THSD7B: variants seen among roughly 807,000 people sequenced by gnomAD.
THSD7B encodes the protein thrombospondin type 1 domain containing 7B.
In THSD7B, 138 loss-of-function variants were observed where a neutral mutation model predicts 213.6. The ratio of observed to expected loss-of-function variants is 0.65; its 90% CI spans 0.56 to 0.74. The LOEUF is 0.74. THSD7B is among the 30% of genes least tolerant of loss of function. The pLI is 0.00. For synonymous variants in THSD7B, 742 were observed against 687.0 expected, an observed-to-expected ratio of 1.08 and a Z score of -1.25; for missense variants, 1,931 against 1,991.5, an observed-to-expected ratio of 0.97 and a Z score of 0.58.
At chr2:137,046,012 C>CAT (rs1553466682) in intron 2 of THSD7B, among the ~76,000 whole-genome samples, 1 of 149,754 alleles carries the variant, frequency 6.7e-6, no homozygotes, top group Non-Finnish European at 1.5e-5. Context: ...TTCTCTTCAA[C>CAT]TTTTTTTTTT....
intron 5 of THSD7B, among the ~76,000 whole-genome samples, chr2:137,117,208 C>T (rs1688461029): frequency 6.6e-6 from 1 of 152,104 alleles, no homozygotes; most frequent in African/African-American, 2.4e-5. Context: ...GGGTTGTTCG[C>T]CCATTACTTT....
At chr2:137,021,761 C>T (rs1389553378) in intron 2 of THSD7B, among the ~76,000 whole-genome samples, 1 of 152,204 alleles carries the variant, frequency 6.6e-6, no homozygotes, top group East Asian at 1.9e-4. Flanking sequence ...CCATCCCTGA[C>T]TCCTGGCAAC....
chr2:137,112,855 A>G (rs1403384604), intron 4 of THSD7B, among the ~76,000 whole-genome samples: 2 of 151,996 alleles, frequency 1.3e-5, no homozygotes, highest in Non-Finnish European at 2.9e-5. Flanking sequence ...AAGGGAATGG[A>G]CACTTATTGA....
At chr2:136,920,343 G>A (rs1012644534) in intron 2 of THSD7B, among the ~76,000 whole-genome samples, 6 of 152,194 alleles carry the variant, frequency 3.9e-5, no homozygotes, top group African/African-American at 1.4e-4. Flanking sequence ...CCTGTAGTCG[G>A]TAGTTCCTTT....
chr2:137,479,493 G>A (rs1329030716), intron 15 of THSD7B: 2 of 416,994 alleles, frequency 4.8e-6, no homozygotes, highest in African/African-American at 2.0e-5. Flanking sequence ...GGTTGGAGCA[G>A]CAGTTGCTGG....
At position 137,542,766 on chromosome 2, in the gene THSD7B, A is replaced by G. The variant is rs553667116; in HGVS notation, c.3139-20455A>G. Among the ~76,000 whole-genome samples, 50 of 151,906 alleles carry G rather than the reference A, an allele frequency of 3.3e-4. 2 individuals carry two copies. Among genetic ancestry groups the G allele is most frequent in the Admixed American group, 2.7e-3 (41 of 15,198 alleles). On this transcript the variant is annotated intron_variant, in intron 15 of 27. Coordinates refer to ENST00000409968, the MANE Select transcript of THSD7B (RefSeq NM_001316349.2). The stretch of plus-strand genomic sequence containing the variant: ...GACTGACTTACACTTTTTCATTTCA[A>G]AGCTTACTACAAAGCTCAATAATCA...
In THSD7B at chr2:137,599,756, A is replaced by T. The variant is rs148203968; in HGVS notation, c.3424-16419A>T. Among the ~76,000 whole-genome samples, 316 of 152,322 alleles carry T rather than the reference A, an allele frequency of 2.1e-3. 4 individuals carry two copies. The highest frequency in any genetic ancestry group is 7.1e-3 in the African/African-American group (296 of 41,574). ...ATCGACAAACATCTAGCTCGAAGAA[A>T]TTCATTTTGAATGCCTTTATAAAGC... On this transcript the variant is annotated intron_variant, in intron 17 of 27. Transcript: ENST00000409968.
rs753919818 is a variant in THSD7B, at chr2:137,242,555, C to A, written c.2249C>A (p.Pro750Gln). The change falls in exon 10 of 28, where the codon CCA (proline) becomes CAA (glutamine). Residue 750 changes from proline (P) to glutamine (Q), a missense_variant. By Grantham distance (76) the Pro-to-Gln change is moderately conservative. Transcript: ENST00000409968. ...VTAFSEWTPC[P>Q]RMCQAGNATV... Reference sequence around the variant, plus strand: ...GCTTTCAGTGAGTGGACACCCTGCCCAAGGATGTGCCAAGCAGGTAGGTGG... The same window carrying A: ...GCTTTCAGTGAGTGGACACCCTGCCAAAGGATGTGCCAAGCAGGTAGGTGG... The A allele has an allele frequency of 2.5e-6, 4 of 1,613,336 alleles. No homozygotes were observed. In the Middle Eastern group the frequency reaches 6.6e-4, roughly 266 times the overall value.
chr2:137,583,865 T>C (rs113080666), intron 17 of THSD7B, among the ~76,000 whole-genome samples: 33,825 of 152,184 alleles, frequency 0.22, 3,928 homozygotes, highest in Middle Eastern at 0.32. Context: ...TTTTTTCCAA[T>C]TCTGTGAAGA....
intron 4 of THSD7B, among the ~76,000 whole-genome samples, chr2:137,103,210 AG>A (rs35664037): frequency 0.046 from 6,982 of 152,296 alleles, 198 homozygotes; most frequent in Admixed American, 0.07. Context: ...CCTACAAGCT[AG>A]AAGAGAGTGG....
chr2:136,819,320 C>G lies in THSD7B; in HGVS notation c.-36+53633C>G, dbSNP rs140526294. ...TCATTACATCTTCTTCCTTTCTTTA[C>G]AATTAGGACCTTTGGAGAATTGTCC... is the stretch of plus-strand genomic sequence containing the variant. On this transcript the variant is annotated intron_variant, in intron 1 of 27. Coordinates refer to ENST00000409968, the MANE Select transcript of THSD7B (RefSeq NM_001316349.2). Among the ~76,000 whole-genome samples the G allele has an allele frequency of 8.1e-3, 1,227 of 152,196 alleles. 28 individuals are homozygous for G. Among genetic ancestry groups the G allele is most frequent in the African/African-American group, 0.028 (1,143 of 41,518 alleles).
At chr2:136,879,270 G>A (rs879595733) in intron 1 of THSD7B, among the ~76,000 whole-genome samples, 4 of 152,206 alleles carry the variant, frequency 2.6e-5, no homozygotes, top group Admixed American at 6.5e-5. Flanking sequence ...TGTTCCATTG[G>A]TCTATTTCTC....
Position 137,056,912 on chromosome 2 carries a change from TC to T in THSD7B, c.633del (p.Phe212LeufsTer9). The T allele has an allele frequency of 6.2e-7, 1 of 1,613,908 alleles. No individual in the cohort carries two copies. Among genetic ancestry groups the T allele is most frequent in the Non-Finnish European group, 8.5e-7 (1 of 1,179,862 alleles). On this transcript the variant is annotated frameshift_variant, in exon 3 of 28. Coordinates refer to ENST00000409968, the MANE Select transcript of THSD7B (RefSeq NM_001316349.2). LOFTEE classifies it high-confidence loss of function. ...ACTCGCGCGGTCATAGCTCCCCCTC[TC>T]TTTGGTGGTTTGCAATGTCCAAATC... ...HRTRAVIAPP[L>X]FGGLQCPNLT...
chr2:137,402,216 ATAACT>A (rs764171645), intron 12 of THSD7B, among the ~76,000 whole-genome samples: 7 of 152,232 alleles, frequency 4.6e-5, no homozygotes, highest in Non-Finnish European at 1.0e-4. Flanking sequence ...GAAGAATTAA[ATAACT>A]TATCTTAGTT....
intron 4 of THSD7B, among the ~76,000 whole-genome samples, chr2:137,104,142 C>G (rs898591674): frequency 6.6e-6 from 1 of 152,188 alleles, no homozygotes; most frequent in African/African-American, 2.4e-5. Context: ...GTAAAACACT[C>G]CTCAGCAAAT....
intron 9 of THSD7B, among the ~76,000 whole-genome samples, chr2:137,239,701 G>T (rs906739706): frequency 9.9e-5 from 15 of 152,122 alleles, no homozygotes; most frequent in African/African-American, 3.4e-4. Flanking sequence ...CAGAATGTTG[G>T]CATTCTCTTG....
intron 2 of THSD7B, among the ~76,000 whole-genome samples, chr2:136,888,335 T>C (rs1683754692): frequency 1.3e-5 from 2 of 152,096 alleles, no homozygotes; most frequent in Non-Finnish European, 2.9e-5. Context: ...TTGCATTGCA[T>C]AAGGAATAAA....
intron 4 of THSD7B, 41 bp downstream of exon 4, chr2:137,095,162 A>C: frequency 6.2e-7 from 1 of 1,603,744 alleles, no homozygotes. Flanking sequence ...AAGGAGGCAT[A>C]ATTTAATGTT....
chr2:137,585,851 A>G (rs1681712662), intron 17 of THSD7B, among the ~76,000 whole-genome samples: 1 of 152,190 alleles, frequency 6.6e-6, no homozygotes, highest in Admixed American at 6.5e-5. Flanking sequence ...GATGTCTATT[A>G]GGTCCGCTTG....
Sources: gnomAD v4.1 joint callset for allele counts (sites outside exome capture counted in the v4.1 genomes callset) on GRCh38, gnomAD v4.1.1 for gene constraint, MANE v1.5 for transcripts, NCBI Gene and HGNC (gene_info 2026-07-23, HGNC 2026-07-21) for gene names.